ADAMTS16: variants seen among roughly 807,000 people sequenced by gnomAD.
The protein encoded by ADAMTS16 is ADAM metallopeptidase with thrombospondin type 1 motif 16, also known as A disintegrin and metalloproteinase with thrombospondin motifs 16.
A neutral mutation model predicts 145.8 loss-of-function variants in ADAMTS16; 94 were observed. The ratio of observed to expected loss-of-function variants is 0.64; its 90% confidence interval spans 0.55 to 0.77. ADAMTS16 has a LOEUF of 0.77. ADAMTS16 is among the 30% of genes least tolerant of loss of function. The pLI is 0.00. For missense variants in ADAMTS16, 1,585 were observed against 1,591.5 expected (o/e 1.00, Z 0.07); for synonymous variants, 659 against 604.3 (o/e 1.09, Z -1.33).
intron 3 of ADAMTS16, among the ~76,000 whole-genome samples, chr5:5,174,210 C>G (rs752561552): frequency 6.6e-6 from 1 of 152,090 alleles, no homozygotes; most frequent in South Asian, 2.1e-4. Flanking sequence ...GGGATATTTT[C>G]TCTGCATATA....
intron 13 of ADAMTS16, 142 bp from the exon 14 acceptor site, chr5:5,236,827 A>G: frequency 9.2e-7 from 1 of 1,092,014 alleles, no homozygotes; most frequent in African/African-American, 1.6e-5. Context: ...TGAGGCAACC[A>G]TTAAAAATGC....
intron 18 of ADAMTS16, among the ~76,000 whole-genome samples, chr5:5,299,289 G>C (rs1312190521): frequency 6.6e-6 from 1 of 152,234 alleles, no homozygotes; most frequent in East Asian, 1.9e-4. Flanking sequence ...GGCTCAGGGA[G>C]ACTTGCTGAT....
At chr5:5,224,869 A>G (rs896745781) in intron 11 of ADAMTS16, among the ~76,000 whole-genome samples, 1 of 152,156 alleles carries the variant, frequency 6.6e-6, no homozygotes, top group Non-Finnish European at 1.5e-5. Context: ...GTCAGGTGCT[A>G]CTTTTCCCTG....
At chr5:5,312,904 C>G (rs1015239093) in intron 21 of ADAMTS16, among the ~76,000 whole-genome samples, 1 of 152,218 alleles carries the variant, frequency 6.6e-6, no homozygotes, top group African/African-American at 2.4e-5. Flanking sequence ...AAAGAGGAAA[C>G]TGAGGACGCT....
At chr5:5,212,876 G>A (rs1175336439) in intron 10 of ADAMTS16, among the ~76,000 whole-genome samples, 1 of 151,922 alleles carries the variant, frequency 6.6e-6, no homozygotes, top group Non-Finnish European at 1.5e-5. Context: ...CCTTTCTTCT[G>A]CCTTCTTTTA....
chr5:5,256,897 T>C (rs1039928554), intron 17 of ADAMTS16, among the ~76,000 whole-genome samples: 14 of 152,182 alleles, frequency 9.2e-5, no homozygotes, highest in Non-Finnish European at 2.1e-4. Flanking sequence ...AAAGTAAGTG[T>C]AAGGAAAGGA....
chr5:5,209,105 T>G lies in ADAMTS16; in HGVS notation c.1464T>G (p.Ala488=). 6.2e-7 allele frequency: 1 copy of G among 1,613,692 alleles called. No individual in the cohort carries two copies. Among genetic ancestry groups the G allele is most frequent in the Non-Finnish European group, 8.5e-7 (1 of 1,179,726 alleles). ...CTCTTTGTTTCAGCACCGCTCAAGCTATCTGCCTTGCTGATCAGCCAAAGC... is the reference window on the plus strand; with the variant it reads ...CTCTTTGTTTCAGCACCGCTCAAGCGATCTGCCTTGCTGATCAGCCAAAGC... The part of the protein sequence containing the change: ...YLHKFLSTAQ[A]ICLADQPKPV... The change falls in exon 10 of 23, where the codon GCT becomes GCG. Residue 488 remains alanine, a synonymous_variant. Transcript: ENST00000274181.
intron 17 of ADAMTS16, among the ~76,000 whole-genome samples, chr5:5,245,270 T>C (rs1737405437): frequency 6.6e-6 from 1 of 152,194 alleles, no homozygotes. Flanking sequence ...GACAATAGCA[T>C]GTTTTAACTG....
chr5:5,238,404 C>T (rs1737177766), intron 14 of ADAMTS16, among the ~76,000 whole-genome samples: 1 of 152,120 alleles, frequency 6.6e-6, no homozygotes, highest in Non-Finnish European at 1.5e-5. Flanking sequence ...TGGGATGCCA[C>T]CCTAAGCCCT....
intron 18 of ADAMTS16, among the ~76,000 whole-genome samples, chr5:5,301,487 G>A (rs13187473): frequency 0.48 from 73,439 of 152,122 alleles, 18,346 homozygotes; most frequent in Non-Finnish European, 0.55. Context: ...AGCAACAGTC[G>A]TAGTGATGTT....
At chr5:5,160,271 G>A (rs1734707954) in intron 3 of ADAMTS16, among the ~76,000 whole-genome samples, 1 of 152,182 alleles carries the variant, frequency 6.6e-6, no homozygotes, top group Admixed American at 6.6e-5. Context: ...AATTTCTAGT[G>A]TTGCTTTGAC....
chr5:5,179,676 G>A (rs975505534), intron 3 of ADAMTS16, among the ~76,000 whole-genome samples: 6 of 152,190 alleles, frequency 3.9e-5, no homozygotes, highest in Non-Finnish European at 7.3e-5. Context: ...AGAAGGTTCC[G>A]AAGTAATTCA....
At chr5:5,222,263 C>T (rs1736626613) in intron 10 of ADAMTS16, among the ~76,000 whole-genome samples, 1 of 152,076 alleles carries the variant, frequency 6.6e-6, no homozygotes, top group African/African-American at 2.4e-5. Flanking sequence ...GGCAAGATGC[C>T]TCACATATTT....
chr5:5,267,153 G>A (rs895788264), intron 18 of ADAMTS16, among the ~76,000 whole-genome samples: 1 of 152,180 alleles, frequency 6.6e-6, no homozygotes, highest in Admixed American at 6.5e-5. Context: ...TCTAGGGGGA[G>A]CGGGCAGATG....
chr5:5,168,980 G>T (rs539690529), intron 3 of ADAMTS16, among the ~76,000 whole-genome samples: 33 of 151,462 alleles, frequency 2.2e-4, no homozygotes, highest in African/African-American at 7.8e-4. Context: ...CATCTCATGA[G>T]GTAGTGTTAC....
At chr5:5,302,817 T>A (rs979185563) in intron 18 of ADAMTS16, among the ~76,000 whole-genome samples, 10 of 152,198 alleles carry the variant, frequency 6.6e-5, no homozygotes, top group Admixed American at 5.2e-4. Flanking sequence ...AAAATCCTTA[T>A]TTTTTAGAGA....
chr5:5,258,268 A>C (rs1268156598), intron 17 of ADAMTS16, among the ~76,000 whole-genome samples: 1 of 152,196 alleles, frequency 6.6e-6, no homozygotes, highest in Non-Finnish European at 1.5e-5. Context: ...CAGAGATCAC[A>C]GGGGTCTTAG....
In ADAMTS16 at chr5:5,255,436, T is replaced by C. The variant is rs1560971072; in HGVS notation, c.2663-7221T>C. Among the ~76,000 whole-genome samples, 3 of 152,366 alleles carry C rather than the reference T, an allele frequency of 2.0e-5. No homozygotes were observed. The East Asian group carries it at 5.8e-4, about 29-fold the overall frequency. ...TAGCTCTCAGAGTTACTCCGGATTTTGAAAAGTCAGAAAGTTGCAGAAAAT... is the reference window on the plus strand; with the variant it reads ...TAGCTCTCAGAGTTACTCCGGATTTCGAAAAGTCAGAAAGTTGCAGAAAAT... On this transcript the variant is annotated intron_variant, in intron 17 of 22. Transcript: ENST00000274181.
At chr5:5,312,025 G>A (rs531458619) in intron 21 of ADAMTS16, among the ~76,000 whole-genome samples, 3 of 152,150 alleles carry the variant, frequency 2.0e-5, no homozygotes, top group East Asian at 1.9e-4. Context: ...CCATCGGTTC[G>A]CTTCTTTAAA....
Sources: gnomAD v4.1 joint callset for allele counts (sites outside exome capture counted in the v4.1 genomes callset) on GRCh38, gnomAD v4.1.1 for gene constraint, MANE v1.5 for transcripts, NCBI Gene and HGNC (gene_info 2026-07-23, HGNC 2026-07-21) for gene names.